The following ARB2A variants were observed in gnomAD, a reference collection of about 807,000 sequenced individuals.
ARB2A encodes cotranscriptional regulator ARB2A.
At chr5:93,643,366 C>T in the ARB2A span, among the ~76,000 whole-genome samples, 355 of 152,146 alleles carry the variant, frequency 2.3e-3, 1 homozygote, top group African/African-American at 8.2e-3. Context: ...GGGTTCACAC[C>T]TACATATGAA....
At chr5:93,665,321 A>G in the ARB2A span, among the ~76,000 whole-genome samples, 4 of 152,198 alleles carry the variant, frequency 2.6e-5, no homozygotes, top group African/African-American at 4.8e-5. Context: ...TGAGTCACAG[A>G]TAAGAGATTC....
At chr5:94,055,659 C>T in the ARB2A span, 3 of 985,184 alleles carry the variant, frequency 3.0e-6, no homozygotes, top group Non-Finnish European at 3.6e-6. Flanking sequence ...AAAGTTCTTA[C>T]CACCTTGTAA....
chr5:93,623,724 C>T, the ARB2A span, among the ~76,000 whole-genome samples: 507 of 151,874 alleles, frequency 3.3e-3, 3 homozygotes, highest in African/African-American at 0.012. Flanking sequence ...TTCTGTCAGA[C>T]GAAGGGAAAT....
the ARB2A span, among the ~76,000 whole-genome samples, chr5:94,044,395 G>C: frequency 6.6e-6 from 1 of 152,108 alleles, no homozygotes; most frequent in Non-Finnish European, 1.5e-5. Context: ...CAAAAGTGAT[G>C]AATGACCCAT....
chr5:93,877,968 T>C, the ARB2A span, among the ~76,000 whole-genome samples: 2 of 152,134 alleles, frequency 1.3e-5, no homozygotes, highest in South Asian at 2.1e-4. Context: ...TTTTCATCCA[T>C]AATTTTAGCA....
chr5:93,834,543 G>C, the ARB2A span, among the ~76,000 whole-genome samples: 1 of 152,106 alleles, frequency 6.6e-6, no homozygotes, highest in African/African-American at 2.4e-5. Flanking sequence ...ACTATATACA[G>C]TGTTTAAGAA....
At chr5:93,864,498 T>TA in the ARB2A span, among the ~76,000 whole-genome samples, 1 of 152,152 alleles carries the variant, frequency 6.6e-6, no homozygotes, top group Non-Finnish European at 1.5e-5. Flanking sequence ...CAGAATGTGT[T>TA]AAAAACATCC....
chr5:93,878,384 T>TA, the ARB2A span, among the ~76,000 whole-genome samples: 1 of 151,942 alleles, frequency 6.6e-6, no homozygotes, highest in Non-Finnish European at 1.5e-5. Flanking sequence ...TCATGAAGCT[T>TA]ATATTAAGAG....
At chr5:93,722,982 T>C in the ARB2A span, among the ~76,000 whole-genome samples, 5 of 152,144 alleles carry the variant, frequency 3.3e-5, no homozygotes, top group Non-Finnish European at 7.4e-5. Flanking sequence ...TTCAATGTAG[T>C]CTAAGGCTGG....
chr5:93,790,562 C>T, the ARB2A span, among the ~76,000 whole-genome samples: 3 of 152,070 alleles, frequency 2.0e-5, no homozygotes, highest in Non-Finnish European at 4.4e-5. Flanking sequence ...CCAGTCATAC[C>T]ACTATGCACT....
At chr5:93,852,549 TA>T in the ARB2A span, among the ~76,000 whole-genome samples, 2 of 152,178 alleles carry the variant, frequency 1.3e-5, no homozygotes, top group Admixed American at 6.5e-5. Flanking sequence ...TCCTGAATGG[TA>T]ATGCCTAGGT....
chr5:93,903,830 CAT>C, the ARB2A span, among the ~76,000 whole-genome samples: 1 of 151,790 alleles, frequency 6.6e-6, no homozygotes, highest in African/African-American at 2.4e-5. Flanking sequence ...AATGACTTCA[CAT>C]GAGTTGGTAA....
the ARB2A span, among the ~76,000 whole-genome samples, chr5:94,109,178 C>A: frequency 8.5e-5 from 13 of 152,128 alleles, no homozygotes; most frequent in Non-Finnish European, 1.9e-4. Context: ...AAGCCAGTCA[C>A]AAAAGGTCAA....
At chr5:93,714,313 T>C in the ARB2A span, among the ~76,000 whole-genome samples, 2 of 152,186 alleles carry the variant, frequency 1.3e-5, no homozygotes, top group African/African-American at 4.8e-5. Context: ...TGTTAATGAG[T>C]TTAAATTATT....
At chr5:93,679,848 A>G in the ARB2A span, among the ~76,000 whole-genome samples, 1 of 152,176 alleles carries the variant, frequency 6.6e-6, no homozygotes, top group African/African-American at 2.4e-5. Context: ...ACATAACTCA[A>G]TTTAGAGCAT....
the ARB2A span, among the ~76,000 whole-genome samples, chr5:93,679,944 T>A: frequency 1.3e-5 from 2 of 152,058 alleles, no homozygotes; most frequent in Non-Finnish European, 2.9e-5. Flanking sequence ...TTATAGAGAT[T>A]CTACACTTTC....
the ARB2A span, among the ~76,000 whole-genome samples, chr5:94,017,841 A>T: frequency 1.3e-5 from 2 of 152,210 alleles, no homozygotes; most frequent in Non-Finnish European, 2.9e-5. Flanking sequence ...CCAAATCTCA[A>T]CTTGAACTGT....
At chr5:94,085,156 G>A in the ARB2A span, among the ~76,000 whole-genome samples, 1 of 152,280 alleles carries the variant, frequency 6.6e-6, no homozygotes, top group East Asian at 1.9e-4. Context: ...TCCACTACCT[G>A]ATCTTATACA....
At chr5:93,954,721 T>C in the ARB2A span, among the ~76,000 whole-genome samples, 4 of 152,132 alleles carry the variant, frequency 2.6e-5, no homozygotes, top group Non-Finnish European at 2.9e-5. Context: ...ACAGCACCAG[T>C]ACTTGCCCAA....
Sources: gnomAD v4.1 joint callset for allele counts (sites outside exome capture counted in the v4.1 genomes callset) on GRCh38, gnomAD v4.1.1 for gene constraint, MANE v1.5 for transcripts, NCBI Gene and HGNC (gene_info 2026-07-23, HGNC 2026-07-21) for gene names.